Variants in C5orf58 observed in about 807,000 individuals in gnomAD.
C5orf58 encodes chromosome 5 open reading frame 58, also known as putative uncharacterized protein C5orf58.
C5orf58 carries 2 observed loss-of-function variants against 2.9 expected under a neutral mutation model. That is an observed-to-expected ratio of 0.69 (90% CI 0.28 to 2.18). The LOEUF is 2.18. C5orf58 is among the 30% of genes most tolerant of loss of function. C5orf58 has a pLI of 0.13. For synonymous variants in C5orf58, 37 were observed against 33.4 expected, an observed-to-expected ratio of 1.11 and a Z score of -0.37; for missense variants, 96 against 91.7, an observed-to-expected ratio of 1.05 and a Z score of -0.19.
At chr5:170,233,921 T>A (rs1760629169) in intron 1 of C5orf58, 194 bp from the exon 2 acceptor site, 1 of 364,502 alleles carries the variant, frequency 2.7e-6, no homozygotes, top group Non-Finnish European at 5.4e-6. Flanking sequence ...TTACTATTTT[T>A]AAAAAACTTT....
chr5:170,241,868 G>C (rs1401761582), intron 3 of C5orf58, among the ~76,000 whole-genome samples: 1 of 151,450 alleles, frequency 6.6e-6, no homozygotes, highest in Non-Finnish European at 1.5e-5. Flanking sequence ...TTTTCAATGG[G>C]AATGCTTCCA....
intron 3 of C5orf58, among the ~76,000 whole-genome samples, chr5:170,243,713 G>T (rs1310190687): frequency 6.6e-6 from 1 of 150,658 alleles, no homozygotes; most frequent in Admixed American, 6.6e-5. Flanking sequence ...GCACACTGAT[G>T]GGTCTTGACT....
chr5:170,235,296 T>C (rs1048579995), intron 3 of C5orf58, among the ~76,000 whole-genome samples: 4 of 152,184 alleles, frequency 2.6e-5, no homozygotes, highest in African/African-American at 9.7e-5. Context: ...AATAAGCTTA[T>C]CAGGTTGTCT....
chr5:170,237,692 G>A (rs956961551), intron 3 of C5orf58, among the ~76,000 whole-genome samples: 1 of 152,174 alleles, frequency 6.6e-6, no homozygotes, highest in Non-Finnish European at 1.5e-5. Flanking sequence ...AGGAAGACTA[G>A]TTAAATATAT....
At chr5:170,247,145 A>G (rs904822428), downstream of C5orf58, 1 of 152,192 alleles carries the variant, frequency 6.6e-6, no homozygotes, top group African/African-American at 2.4e-5. Flanking sequence ...ACTACCTTGT[A>G]CCTAGCTCAC....
At chr5:170,251,729 T>C (rs1374038078) in exon 3 of C5orf58, 1 of 450,970 alleles carries the variant, frequency 2.2e-6, no homozygotes, top group Non-Finnish European at 4.5e-6. Flanking sequence ...CAAATTAGAA[T>C]TACCTGGGAA....
intron 3 of C5orf58, among the ~76,000 whole-genome samples, chr5:170,242,407 C>T (rs1223914191): frequency 1.6e-5 from 2 of 121,262 alleles, no homozygotes; most frequent in East Asian, 4.6e-4. Context: ...CCATCTGGTC[C>T]TGGACTCTTT....
intron 3 of C5orf58, among the ~76,000 whole-genome samples, chr5:170,241,644 C>G (rs1302602966): frequency 1.3e-5 from 2 of 150,898 alleles, no homozygotes; most frequent in Non-Finnish European, 2.9e-5. Context: ...TGAGACTTTG[C>G]TGAAGTTGCT....
At chr5:170,252,356 T>C (rs1286731144), downstream of C5orf58, 11 of 777,210 alleles carry the variant, frequency 1.4e-5, no homozygotes, top group Middle Eastern at 2.3e-4. Flanking sequence ...TAGCCTGTAA[T>C]TGGTACTCAG....
downstream of C5orf58, chr5:170,247,969 C>T (rs1264683304): frequency 6.6e-6 from 1 of 152,148 alleles, no homozygotes; most frequent in Admixed American, 6.5e-5. Flanking sequence ...ACCAAAGTCT[C>T]ATCCCTAAAT....
chr5:170,238,763 G>A (rs1334156834), intron 3 of C5orf58, among the ~76,000 whole-genome samples: 1 of 152,194 alleles, frequency 6.6e-6, no homozygotes, highest in Admixed American at 6.5e-5. Context: ...ATGCAGCAGT[G>A]CCTTTGGAAA....
At chr5:170,234,928 C>A in intron 2 of C5orf58, 49 bp from the exon 3 acceptor site, 2 of 736,870 alleles carry the variant, frequency 2.7e-6, no homozygotes, top group Non-Finnish European at 4.3e-6. Flanking sequence ...TTTAAAAGTA[C>A]ACATAAATAC....
At chr5:170,245,739 CG>C (rs1174181766) in intron 3 of C5orf58, among the ~76,000 whole-genome samples, 3 of 152,222 alleles carry the variant, frequency 2.0e-5, no homozygotes, top group African/African-American at 7.2e-5. Flanking sequence ...TCTTCTGCGT[CG>C]CTCACGCTGG....
intron 2 of C5orf58, chr5:170,251,406 TTC>T (rs554870636): frequency 1.8e-4 from 38 of 213,664 alleles, no homozygotes; most frequent in African/African-American, 7.8e-4. Context: ...AATGCAGATG[TTC>T]TCTTTTCTTT....
At chr5:170,242,819 G>A (rs1761077854) in intron 3 of C5orf58, among the ~76,000 whole-genome samples, 1 of 151,698 alleles carries the variant, frequency 6.6e-6, no homozygotes, top group African/African-American at 2.4e-5. Flanking sequence ...CCTTCTGCTA[G>A]CTTTTGAACA....
intron 3 of C5orf58, among the ~76,000 whole-genome samples, chr5:170,244,396 C>T (rs1761158258): frequency 6.7e-6 from 1 of 149,570 alleles, no homozygotes. Flanking sequence ...TTCCATTCTC[C>T]CCATCACTTT....
At chr5:170,243,649 T>G (rs1408623851) in intron 3 of C5orf58, among the ~76,000 whole-genome samples, 2 of 149,206 alleles carry the variant, frequency 1.3e-5, no homozygotes, top group South Asian at 4.3e-4. Flanking sequence ...TCCTCCATCC[T>G]TTTATTTTGA....
At chr5:170,250,194 A>T (rs1348059565), downstream of C5orf58, among the ~76,000 whole-genome samples, 1 of 152,134 alleles carries the variant, frequency 6.6e-6, no homozygotes, top group African/African-American at 2.4e-5. Flanking sequence ...GTTTCTTTCC[A>T]TCCGTTCTGA....
downstream of C5orf58, chr5:170,248,080 A>G (rs919535629): frequency 6.6e-6 from 1 of 152,364 alleles, no homozygotes; most frequent in East Asian, 1.9e-4. Flanking sequence ...GGAAACCAAA[A>G]AAGTAAAGCA....
Sources: gnomAD v4.1 joint callset for allele counts (sites outside exome capture counted in the v4.1 genomes callset) on GRCh38, gnomAD v4.1.1 for gene constraint, MANE v1.5 for transcripts, NCBI Gene and HGNC (gene_info 2026-07-23, HGNC 2026-07-21) for gene names.